The following XIRP2 variants were observed in gnomAD, a reference collection of about 807,000 sequenced individuals.
XIRP2 encodes the protein xin actin binding repeat containing 2.
XIRP2 carries 236 observed loss-of-function variants against 277.0 expected under a neutral mutation model. The ratio of observed to expected loss-of-function variants is 0.85; its 90% confidence interval spans 0.77 to 0.95. The LOEUF (loss-of-function observed/expected upper bound fraction) is 0.95, where lower values mean the gene tolerates loss of function less well. Ranked by LOEUF, XIRP2 falls within the 40% of genes least tolerant of loss-of-function variation. The pLI is 0.00. For missense variants in XIRP2, 4,640 were observed against 4,157.5 expected (o/e 1.12, Z -3.19); for synonymous variants, 1,490 against 1,416.5 (o/e 1.05, Z -1.17).
intron 3 of XIRP2, among the ~76,000 whole-genome samples, chr2:167,204,634 T>C (rs1203434652): frequency 1.3e-5 from 2 of 152,216 alleles, no homozygotes; most frequent in African/African-American, 4.8e-5. Flanking sequence ...TTCTGACACA[T>C]AGAAAGCACT....
chr2:167,140,749 A>C (rs566003538), intron 3 of XIRP2: 90 of 152,300 alleles, frequency 5.9e-4, no homozygotes, highest in African/African-American at 2.1e-3. Flanking sequence ...GGCCTTTGTA[A>C]AATAAAGAAT....
intron 2 of XIRP2, among the ~76,000 whole-genome samples, chr2:167,109,608 C>A (rs978553371): frequency 6.6e-6 from 1 of 152,090 alleles, no homozygotes; most frequent in Non-Finnish European, 1.5e-5. Context: ...ACCAGTCTAA[C>A]GTTCATGGGC....
chr2:167,259,139 A>C lies in XIRP2; in HGVS notation c.*1322A>C, dbSNP rs1465292588. On this transcript the variant is annotated 3_prime_UTR_variant, in exon 11 of 11. Coordinates refer to ENST00000409195, the MANE Select transcript of XIRP2 (RefSeq NM_152381.6). ...TGATTTAATAGATTCTGTAGATCAA[A>C]TTAAAAATATGCCATGCTTGGATTT... 6.2e-7 allele frequency: 1 copy of C among 1,612,656 alleles called. No individual in the cohort carries two copies. The highest frequency in any genetic ancestry group is 1.7e-5 in the Admixed American group (1 of 59,782).
At chr2:167,222,664 CTG>C (rs1694467733) in intron 5 of XIRP2, among the ~76,000 whole-genome samples, 1 of 152,108 alleles carries the variant, frequency 6.6e-6, no homozygotes, top group East Asian at 1.9e-4. Flanking sequence ...TATCCACTCA[CTG>C]TAACAGTCTC....
chr2:167,228,168 A>C (rs1694659463), intron 5 of XIRP2, among the ~76,000 whole-genome samples: 1 of 152,172 alleles, frequency 6.6e-6, no homozygotes, highest in South Asian at 2.1e-4. Flanking sequence ...ACTAACATGA[A>C]TCACATTACA....
intron 2 of XIRP2, among the ~76,000 whole-genome samples, chr2:166,997,319 A>T (rs1014614535): frequency 1.3e-5 from 2 of 152,166 alleles, no homozygotes; most frequent in African/African-American, 4.8e-5. Context: ...AAAAATCCTC[A>T]GCTTATAATT....
At chr2:167,020,590 T>C (rs1471153629) in intron 2 of XIRP2, among the ~76,000 whole-genome samples, 1 of 152,000 alleles carries the variant, frequency 6.6e-6, no homozygotes, top group Non-Finnish European at 1.5e-5. Context: ...GTGTGTGTTC[T>C]ACCCAGACAA....
chr2:167,029,312 G>C (rs1688260247), intron 2 of XIRP2, among the ~76,000 whole-genome samples: 1 of 152,056 alleles, frequency 6.6e-6, no homozygotes, highest in South Asian at 2.1e-4. Flanking sequence ...GCCAGCTTTT[G>C]TCCTTTCAGT....
intron 2 of XIRP2, among the ~76,000 whole-genome samples, chr2:167,109,506 C>A (rs1204619403): frequency 6.6e-6 from 1 of 152,198 alleles, no homozygotes; most frequent in Non-Finnish European, 1.5e-5. Flanking sequence ...GTCTTGAACT[C>A]CTGACCTCAG....
chr2:166,961,028 A>G (rs1686284439), intron 2 of XIRP2, among the ~76,000 whole-genome samples: 2 of 151,758 alleles, frequency 1.3e-5, no homozygotes, highest in South Asian at 4.1e-4. Flanking sequence ...GAATATGAAG[A>G]GTATTGTTAA....
chr2:166,939,067 A>T (rs1685613667), intron 2 of XIRP2, among the ~76,000 whole-genome samples: 1 of 152,228 alleles, frequency 6.6e-6, no homozygotes, highest in African/African-American at 2.4e-5. Context: ...TATGTCTTTC[A>T]ATTGGAGCAT....
intron 2 of XIRP2, among the ~76,000 whole-genome samples, chr2:167,082,072 A>C (rs1574234927): frequency 1.3e-5 from 2 of 149,888 alleles, no homozygotes; most frequent in East Asian, 2.0e-4. Context: ...CATTAGGTAT[A>C]CCTCCCAATG....
chr2:167,156,014 A>C (rs1344828664), intron 3 of XIRP2, among the ~76,000 whole-genome samples: 1 of 150,558 alleles, frequency 6.6e-6, no homozygotes, highest in Non-Finnish European at 1.5e-5. Flanking sequence ...CAAAGAGAAT[A>C]AAATACCTAG....
chr2:167,069,188 A>C (rs988111101), intron 2 of XIRP2, among the ~76,000 whole-genome samples: 2 of 152,192 alleles, frequency 1.3e-5, no homozygotes, highest in Non-Finnish European at 2.9e-5. Context: ...CTTCATTTGC[A>C]TGGATTCAGT....
intron 2 of XIRP2, among the ~76,000 whole-genome samples, chr2:166,935,010 G>A (rs1253555209): frequency 2.7e-5 from 4 of 149,966 alleles, no homozygotes; most frequent in African/African-American, 7.3e-5. Flanking sequence ...CAGCCTGGGC[G>A]ACAGAGGGCG....
intron 2 of XIRP2, among the ~76,000 whole-genome samples, chr2:166,933,406 C>T (rs933945748): frequency 2.0e-5 from 3 of 151,944 alleles, no homozygotes; most frequent in African/African-American, 7.3e-5. Flanking sequence ...GTCTCGGCCT[C>T]CCAAAGTGCT....
In XIRP2 at chr2:167,258,073, T is replaced by C; in HGVS notation, c.*256T>C. ...CAGAAAACACCCTTGTACCTGGAGA[T>C]CGTAATGAACATTTAGATGCTGGTA... On this transcript the variant is annotated 3_prime_UTR_variant, in exon 11 of 11. Coordinates refer to ENST00000409195, the MANE Select transcript of XIRP2 (RefSeq NM_152381.6). 1 of 1,613,008 alleles carries C rather than the reference T, an allele frequency of 6.2e-7. No individual in the cohort carries two copies. The highest frequency in any genetic ancestry group is 1.1e-5 in the South Asian group (1 of 90,998).
At chr2:166,896,651 A>C (rs944111660) in intron 1 of XIRP2, among the ~76,000 whole-genome samples, 1 of 152,092 alleles carries the variant, frequency 6.6e-6, no homozygotes. Context: ...TAGTAAGTTA[A>C]GGTTAATTTG....
chr2:167,070,003 C>T (rs1055339634), intron 2 of XIRP2, among the ~76,000 whole-genome samples: 1 of 152,058 alleles, frequency 6.6e-6, no homozygotes, highest in African/African-American at 2.4e-5. Flanking sequence ...AATCTGACCT[C>T]AGCCTACATT....
Sources: gnomAD v4.1 joint callset for allele counts (sites outside exome capture counted in the v4.1 genomes callset) on GRCh38, gnomAD v4.1.1 for gene constraint, MANE v1.5 for transcripts, NCBI Gene and HGNC (gene_info 2026-07-23, HGNC 2026-07-21) for gene names.